Variants in PDE5A observed in about 807,000 individuals in gnomAD.
PDE5A encodes cGMP-specific 3',5'-cyclic phosphodiesterase.
PDE5A carries 67 observed loss-of-function variants against 110.2 expected under a neutral mutation model. The ratio of observed to expected loss-of-function variants is 0.61; its 90% confidence interval spans 0.50 to 0.75. The LOEUF (loss-of-function observed/expected upper bound fraction) is 0.75. Among genes scored for constraint, PDE5A ranks in the 30% least tolerant of loss-of-function variants. The pLI, the probability that PDE5A is intolerant of heterozygous loss-of-function variation, is 0.00. For missense variants in PDE5A, 862 were observed against 1,045.1 expected (o/e 0.82, Z 2.42); for synonymous variants, 328 against 351.2 (o/e 0.93, Z 0.74).
chr4:119,569,330 A>C (rs181133454), intron 3 of PDE5A, among the ~76,000 whole-genome samples: 54 of 152,236 alleles, frequency 3.5e-4, no homozygotes, highest in Non-Finnish European at 3.2e-4. Context: ...ATACAGTAAG[A>C]TAGAAGAAAT....
Position 119,503,022 on chromosome 4 carries a change from G to A in PDE5A, c.2332-367C>T, listed in dbSNP as rs1301183662. Among the ~76,000 whole-genome samples, 5 of 152,220 alleles carry A rather than the reference G, an allele frequency of 3.3e-5. No homozygotes were observed. In the East Asian group the frequency reaches 5.8e-4, roughly 18 times the overall value. ...CTTCCCTCTTCTATTCTCTTACCTG[G>A]TTAGAAATAAATAGGCATATAGTCC... On this transcript the variant is annotated intron_variant, in intron 18 of 20. Coordinates refer to ENST00000354960, the MANE Select transcript of PDE5A (RefSeq NM_001083.4).
chr4:119,594,845 A>G (rs1480919525), intron 3 of PDE5A, among the ~76,000 whole-genome samples: 1 of 152,214 alleles, frequency 6.6e-6, no homozygotes, highest in African/African-American at 2.4e-5. Flanking sequence ...CCAGGTAATC[A>G]TCAACTTGGT....
In PDE5A at chr4:119,584,927, T is replaced by C. The variant is rs72920685; in HGVS notation, c.831+11596A>G. ...GTGAATATTAAGTAGTGAGTACTTA[T>C]ATTACGTGCAAACAGAGATCTTATG... On this transcript the variant is annotated intron_variant, in intron 3 of 20. Transcript: ENST00000354960. 8.7e-3 allele frequency among the ~76,000 whole-genome samples: 1,327 copies of C among 152,326 alleles called. 16 individuals carry two copies. Among genetic ancestry groups the C allele is most frequent in the African/African-American group, 0.03 (1,256 of 41,572 alleles).
intron 11 of PDE5A, among the ~76,000 whole-genome samples, chr4:119,533,629 A>G (rs1047202031): frequency 2.0e-5 from 3 of 152,186 alleles, no homozygotes; most frequent in African/African-American, 4.8e-5. Context: ...TAATAACAGC[A>G]TCAACATGTT....
At chr4:119,575,860 C>T (rs1728320719) in intron 3 of PDE5A, among the ~76,000 whole-genome samples, 1 of 152,138 alleles carries the variant, frequency 6.6e-6, no homozygotes, top group Non-Finnish European at 1.5e-5. Context: ...TGTAAATGGG[C>T]TAAATGCTCC....
At chr4:119,584,464 A>G (rs1273941365) in intron 3 of PDE5A, among the ~76,000 whole-genome samples, 2 of 152,146 alleles carry the variant, frequency 1.3e-5, no homozygotes, top group Non-Finnish European at 2.9e-5. Context: ...TAAACCTACT[A>G]AACAGAAGTG....
At chr4:119,501,811 C>T (rs79606747) in intron 19 of PDE5A, among the ~76,000 whole-genome samples, 2 of 152,200 alleles carry the variant, frequency 1.3e-5, no homozygotes, top group East Asian at 3.9e-4. Context: ...TATCAAAGAC[C>T]TTTAAATTCT....
chr4:119,497,158 A>G lies in PDE5A; in HGVS notation c.*1443T>C, dbSNP rs200656771. 1.3e-5 allele frequency: 2 copies of G among 152,240 alleles called. No homozygotes were observed. Among genetic ancestry groups the G allele is most frequent in the Non-Finnish European group, 2.9e-5 (2 of 67,986 alleles). 9.4% of individuals were successfully genotyped at this position (152,240 alleles called of 1,614,324 possible). A position where few individuals can be genotyped will look rare whatever the true frequency, so the allele number is the denominator to read the frequency against. On this transcript the variant is annotated 3_prime_UTR_variant, in exon 21 of 21. Coordinates refer to ENST00000354960, the MANE Select transcript of PDE5A (RefSeq NM_001083.4). Reference sequence around the variant, plus strand: ...AATTTTCTATCCAAATTAGTGATAGAAACTCAGATCAAATATCTTTTTTGT... The same window carrying G: ...AATTTTCTATCCAAATTAGTGATAGGAACTCAGATCAAATATCTTTTTTGT...
intron 6 of PDE5A, among the ~76,000 whole-genome samples, chr4:119,562,556 GA>G (rs1727779664): frequency 6.6e-6 from 1 of 152,136 alleles, no homozygotes; most frequent in South Asian, 2.1e-4. Flanking sequence ...GCCATTGGTA[GA>G]AGCAGCACAC....
At chr4:119,628,423 T>C in intron 1 of PDE5A, 97 bp downstream of exon 1, 1 of 1,057,392 alleles carries the variant, frequency 9.5e-7, no homozygotes, top group Non-Finnish European at 1.4e-6. Context: ...GAGGACCTAC[T>C]TCAAAAGCAA....
At chr4:119,600,164 A>G (rs764398077) in intron 2 of PDE5A, among the ~76,000 whole-genome samples, 6 of 151,350 alleles carry the variant, frequency 4.0e-5, no homozygotes, top group Middle Eastern at 3.2e-3. Flanking sequence ...AAGAGCTAGA[A>G]ATGTGGCTTG....
chr4:119,507,920 A>G (rs1725610471), intron 15 of PDE5A, among the ~76,000 whole-genome samples: 1 of 151,916 alleles, frequency 6.6e-6, no homozygotes, highest in Non-Finnish European at 1.5e-5. Flanking sequence ...ATCTGCCTAC[A>G]TATGCATGTT....
chr4:119,624,896 G>A (rs964474048), intron 1 of PDE5A, among the ~76,000 whole-genome samples: 1 of 151,958 alleles, frequency 6.6e-6, no homozygotes, highest in Admixed American at 6.6e-5. Context: ...TTCCAGATGT[G>A]ATTTATTGGC....
chr4:119,562,249 C>T (rs1162380735), intron 6 of PDE5A, among the ~76,000 whole-genome samples: 2 of 152,190 alleles, frequency 1.3e-5, no homozygotes, highest in Admixed American at 6.5e-5. Context: ...ACCCCAGACA[C>T]CTGAAAATGT....
chr4:119,502,474 T>G, intron 19 of PDE5A, 107 bp downstream of exon 19: 1 of 637,832 alleles, frequency 1.6e-6, no homozygotes, highest in Non-Finnish European at 2.7e-6. Flanking sequence ...AAAAATAAAA[T>G]GAGAAATTGT....
intron 2 of PDE5A, among the ~76,000 whole-genome samples, chr4:119,601,379 G>C (rs1461473693): frequency 1.3e-5 from 2 of 152,112 alleles, no homozygotes; most frequent in African/African-American, 4.8e-5. Flanking sequence ...TTCCAGGGTG[G>C]TGAACATATT....
chr4:119,495,425 A>T lies in PDE5A; in HGVS notation c.*3176T>A, dbSNP rs199868992. ...TAACGATGACATTTTGTATCCTCTC[A>T]TATTAAATCAATCTTGTAAACAAAA... is the stretch of plus-strand genomic sequence containing the variant. On this transcript the variant is annotated 3_prime_UTR_variant, in exon 21 of 21. Transcript: ENST00000354960. The T allele has an allele frequency of 5.9e-5, 9 of 151,764 alleles. No homozygotes were observed. Among genetic ancestry groups the T allele is most frequent in the Middle Eastern group, 3.4e-3 (1 of 294 alleles). 9.4% of individuals were successfully genotyped at this position (151,764 alleles called of 1,614,324 possible).
chr4:119,531,414 G>A (rs1280029693), intron 11 of PDE5A, among the ~76,000 whole-genome samples: 2 of 151,972 alleles, frequency 1.3e-5, no homozygotes, highest in Admixed American at 6.6e-5. Context: ...GAGTAGCTGC[G>A]ACTACAGATG....
At chr4:119,503,950 AAT>A (rs1477615832) in intron 18 of PDE5A, among the ~76,000 whole-genome samples, 2 of 152,070 alleles carry the variant, frequency 1.3e-5, no homozygotes, top group Non-Finnish European at 1.5e-5. Context: ...TACTTAAAAA[AAT>A]TTTTTTTATT....
Sources: allele counts gnomAD v4.1 joint callset (sites outside exome capture counted in the v4.1 genomes callset), GRCh38; gene constraint gnomAD v4.1.1; transcripts MANE v1.5; gene names NCBI Gene and HGNC (gene_info 2026-07-23, HGNC 2026-07-21).